Variants in NOL4 observed in about 807,000 individuals in gnomAD.
NOL4 encodes the protein nucleolar protein 4, also known as cancer/testis antigen 125.
In NOL4, 17 loss-of-function variants were observed where a neutral mutation model predicts 75.9. The ratio of observed to expected loss-of-function variants is 0.22; its 90% CI spans 0.15 to 0.34. NOL4 has a LOEUF of 0.34. NOL4 is among the 10% of genes least tolerant of loss of function. NOL4 has a pLI of 1.00. For missense variants in NOL4, 614 were observed against 793.5 expected, an observed-to-expected ratio of 0.77 and a Z score of 2.72; for synonymous variants, 292 against 289.9, an observed-to-expected ratio of 1.01 and a Z score of -0.07.
At chr18:33,926,659 G>A (rs932749006) in intron 9 of NOL4, among the ~76,000 whole-genome samples, 1 of 152,158 alleles carries the variant, frequency 6.6e-6, no homozygotes, top group African/African-American at 2.4e-5. Context: ...GGAGGCCAGT[G>A]GTGTGATCTC....
At chr18:33,964,868 T>C (rs145545482) in intron 6 of NOL4, among the ~76,000 whole-genome samples, 248 of 152,234 alleles carry the variant, frequency 1.6e-3, no homozygotes, top group African/African-American at 5.6e-3. Flanking sequence ...GGCAGGGCAA[T>C]TGACCTTGGT....
At chr18:34,207,778 A>G (rs1382902735) in intron 1 of NOL4, among the ~76,000 whole-genome samples, 1 of 152,178 alleles carries the variant, frequency 6.6e-6, no homozygotes, top group East Asian at 1.9e-4. Context: ...CCTGAAAAAG[A>G]GAATCTCACA....
At chr18:34,200,024 T>C (rs1228490366) in intron 1 of NOL4, among the ~76,000 whole-genome samples, 1 of 151,842 alleles carries the variant, frequency 6.6e-6, no homozygotes, top group Admixed American at 6.6e-5. Flanking sequence ...TTCTTCAGTT[T>C]TCATTTTAGT....
chr18:34,109,314 A>C (rs2079470820), intron 2 of NOL4, among the ~76,000 whole-genome samples: 1 of 152,076 alleles, frequency 6.6e-6, no homozygotes, highest in South Asian at 2.1e-4. Context: ...AGTTTGAAAC[A>C]AGCCTGGGTA....
At chr18:33,966,517 G>A (rs1324012639) in intron 6 of NOL4, among the ~76,000 whole-genome samples, 1 of 152,180 alleles carries the variant, frequency 6.6e-6, no homozygotes, top group Non-Finnish European at 1.5e-5. Context: ...TCTCTTTGCA[G>A]ATGATATTAT....
chr18:34,105,175 A>G lies in NOL4; in HGVS notation c.415-15T>C. On this transcript the variant is annotated splice_polypyrimidine_tract_variant and intron_variant, in intron 2 of 10. Transcript: ENST00000261592. ...CTCTCTGAAATCTGAAATGATTCAC[A>G]AAATACAGGTGTTATTATATAAGCT... 1 of 1,484,714 alleles carries G rather than the reference A, an allele frequency of 6.7e-7. No homozygotes were observed. The highest frequency in any genetic ancestry group is 9.4e-7 in the Non-Finnish European group (1 of 1,062,812). 92.0% of individuals were successfully genotyped at this position (1,484,714 alleles called of 1,614,324 possible).
intron 9 of NOL4, among the ~76,000 whole-genome samples, chr18:33,886,116 C>T (rs1375850990): frequency 6.6e-6 from 1 of 151,940 alleles, no homozygotes; most frequent in African/African-American, 2.4e-5. Flanking sequence ...ACCTAAAAAT[C>T]AAAACAGTTG....
chr18:34,167,532 T>TTAGATAGATAGA (rs71159861), intron 1 of NOL4, among the ~76,000 whole-genome samples: 31,460 of 149,784 alleles, frequency 0.21, 3,331 homozygotes, highest in East Asian at 0.28. Context: ...CCTCAAATAA[T>TTAGATAGATAGA]TAGATAGATA....
At chr18:34,158,759 T>C (rs780676266) in intron 1 of NOL4, 14 of 152,186 alleles carry the variant, frequency 9.2e-5, no homozygotes, top group Non-Finnish European at 1.9e-4. Flanking sequence ...ACTTTTAAAA[T>C]ATATTTCTTC....
chr18:33,871,891 A>G (rs2063720431), intron 10 of NOL4, among the ~76,000 whole-genome samples: 1 of 152,084 alleles, frequency 6.6e-6, no homozygotes, highest in African/African-American at 2.4e-5. Context: ...TCTGCCCTGC[A>G]GTAAACCAGT....
intron 5 of NOL4, among the ~76,000 whole-genome samples, chr18:34,043,925 TC>T (rs2076249375): frequency 6.6e-6 from 1 of 152,036 alleles, no homozygotes; most frequent in South Asian, 2.1e-4. Context: ...AATGTATACC[TC>T]CAGAATTAGC....
intron 5 of NOL4, among the ~76,000 whole-genome samples, chr18:34,059,594 T>C (rs1274949519): frequency 1.3e-5 from 2 of 152,142 alleles, no homozygotes; most frequent in Non-Finnish European, 2.9e-5. Flanking sequence ...CTTCCAAAAA[T>C]GGCTTCAAAT....
intron 10 of NOL4, among the ~76,000 whole-genome samples, chr18:33,882,344 C>G (rs1381410854): frequency 6.6e-6 from 1 of 151,780 alleles, no homozygotes; most frequent in Non-Finnish European, 1.5e-5. Flanking sequence ...ACAATGAACT[C>G]AAACAAATTT....
intron 4 of NOL4, among the ~76,000 whole-genome samples, chr18:34,099,377 A>AAAAAAAAAAAAAAAAAAAAAAAAAC (rs2078939980): frequency 6.7e-6 from 1 of 150,186 alleles, no homozygotes; most frequent in African/African-American, 2.4e-5. Context: ...AAAAAAAAAA[A>AAAAAAAAAAAAAAAAAAAAAAAAAC]GACAACTACG....
At chr18:33,972,930 G>A (rs2071195131) in intron 6 of NOL4, among the ~76,000 whole-genome samples, 2 of 152,204 alleles carry the variant, frequency 1.3e-5, no homozygotes, top group African/African-American at 4.8e-5. Context: ...CATGGTGATT[G>A]CTGAAGCATA....
At chr18:34,029,048 A>C (rs1337739982) in intron 5 of NOL4, among the ~76,000 whole-genome samples, 1 of 152,136 alleles carries the variant, frequency 6.6e-6, no homozygotes, top group African/African-American at 2.4e-5. Flanking sequence ...TCATCAGAGA[A>C]AGCCAAGTAG....
At chr18:34,130,472 TTATTGCATAACCTAGG>T (rs1272024129) in intron 1 of NOL4, among the ~76,000 whole-genome samples, 4 of 151,710 alleles carry the variant, frequency 2.6e-5, no homozygotes, top group African/African-American at 9.7e-5. Flanking sequence ...TTATCCTAGG[TTATTGCATAACCTAGG>T]AAAGAAAACA....
chr18:33,931,401 A>C (rs895797922), intron 9 of NOL4, among the ~76,000 whole-genome samples: 2 of 152,096 alleles, frequency 1.3e-5, no homozygotes, highest in Non-Finnish European at 2.9e-5. Context: ...AGGCAGTCTC[A>C]TGTGACCAAG....
At chr18:33,941,488 G>A (rs888990488) in intron 9 of NOL4, among the ~76,000 whole-genome samples, 2 of 151,880 alleles carry the variant, frequency 1.3e-5, no homozygotes, top group Non-Finnish European at 1.5e-5. Flanking sequence ...TGAAACTTCA[G>A]TATCTGAGGT....
Sources: allele counts gnomAD v4.1 joint callset (sites outside exome capture counted in the v4.1 genomes callset), GRCh38; gene constraint gnomAD v4.1.1; transcripts MANE v1.5; gene names NCBI Gene and HGNC (gene_info 2026-07-23, HGNC 2026-07-21).